TASP1: variants seen among roughly 807,000 people sequenced by gnomAD.
TASP1 encodes threonine aspartase 1.
A neutral mutation model predicts 56.6 loss-of-function variants in TASP1; 16 were observed. That is an observed-to-expected ratio of 0.28 (90% CI 0.19 to 0.43). TASP1 has a LOEUF of 0.43. TASP1 is among the 20% of genes least tolerant of loss of function. TASP1 has a pLI of 1.00. For missense variants in TASP1, 393 were observed against 511.6 expected, an observed-to-expected ratio of 0.77 and a Z score of 2.24; for synonymous variants, 179 against 184.2, an observed-to-expected ratio of 0.97 and a Z score of 0.23.
intron 11 of TASP1, among the ~76,000 whole-genome samples, chr20:13,443,862 CA>C (rs1374487723): frequency 3.3e-5 from 5 of 151,978 alleles, no homozygotes; most frequent in African/African-American, 1.2e-4. Flanking sequence ...GGAAAAAAAC[CA>C]AAGGGGTTAA....
chr20:13,400,122 G>A (rs1196187183), intron 13 of TASP1, among the ~76,000 whole-genome samples: 4 of 152,112 alleles, frequency 2.6e-5, no homozygotes, highest in East Asian at 1.9e-4. Flanking sequence ...TATCTTGTTC[G>A]TTATTTCCCC....
chr20:13,561,448 C>T (rs1341792378), intron 7 of TASP1, among the ~76,000 whole-genome samples: 1 of 152,126 alleles, frequency 6.6e-6, no homozygotes, highest in Non-Finnish European at 1.5e-5. Flanking sequence ...TCACTACAAC[C>T]CCTGCCTCCC....
At chr20:13,413,110 C>A (rs142722107) in intron 13 of TASP1, among the ~76,000 whole-genome samples, 2 of 152,086 alleles carry the variant, frequency 1.3e-5, no homozygotes, top group Non-Finnish European at 2.9e-5. Context: ...AACTGCATGG[C>A]CCAAAGAACT....
At chr20:13,224,794 A>T in the TASP1 span, among the ~76,000 whole-genome samples, 1 of 149,816 alleles carries the variant, frequency 6.7e-6, no homozygotes, top group Non-Finnish European at 1.5e-5. Context: ...AGTGCCTTTT[A>T]TGTGGCAGGC....
chr20:13,413,186 T>G (rs1160925788), intron 13 of TASP1, among the ~76,000 whole-genome samples: 2 of 152,126 alleles, frequency 1.3e-5, no homozygotes, highest in African/African-American at 4.8e-5. Context: ...TTCATGGCAT[T>G]AAAATAGAAA....
intron 4 of TASP1, chr20:13,600,752 C>G (rs1266603146): frequency 6.6e-6 from 1 of 151,886 alleles, no homozygotes; most frequent in Non-Finnish European, 1.5e-5. Context: ...TTAAAAAAAG[C>G]AAGCCATTAT....
chr20:13,630,580 C>T (rs923819792), intron 1 of TASP1, among the ~76,000 whole-genome samples: 15 of 150,414 alleles, frequency 1.0e-4, no homozygotes, highest in Non-Finnish European at 1.8e-4. Flanking sequence ...ATCCCAGCTA[C>T]GCAGGAGGCT....
At chr20:13,434,439 G>C (rs1419188953) in intron 12 of TASP1, among the ~76,000 whole-genome samples, 1 of 152,068 alleles carries the variant, frequency 6.6e-6, no homozygotes, top group African/African-American at 2.4e-5. Context: ...ATCCCCACTG[G>C]TGCTTGGGTA....
At chr20:13,109,296 A>G in the TASP1 span, among the ~76,000 whole-genome samples, 1 of 152,332 alleles carries the variant, frequency 6.6e-6, no homozygotes, top group South Asian at 2.1e-4. Context: ...AGAAGAAGGG[A>G]CAATGGCTTT....
chr20:13,390,529 A>C, intron 13 of TASP1, 77 bp from the exon 14 acceptor site: 1 of 1,309,030 alleles, frequency 7.6e-7, no homozygotes. Context: ...GTGTCCAAAA[A>C]AGGTGGAGGA....
At chr20:13,535,242 G>C (rs1373747558) in intron 8 of TASP1, among the ~76,000 whole-genome samples, 3 of 152,138 alleles carry the variant, frequency 2.0e-5, no homozygotes, top group Non-Finnish European at 2.9e-5. Context: ...GAGCTCCCGG[G>C]CCCATCTCAG....
intron 10 of TASP1, among the ~76,000 whole-genome samples, chr20:13,519,436 C>T (rs2044655317): frequency 6.6e-6 from 1 of 152,178 alleles, no homozygotes; most frequent in Non-Finnish European, 1.5e-5. Context: ...ATCAAGTGGG[C>T]TTCATCCCTG....
chr20:13,105,196 A>C, the TASP1 span, among the ~76,000 whole-genome samples: 2 of 152,062 alleles, frequency 1.3e-5, no homozygotes, highest in Non-Finnish European at 1.5e-5. Context: ...ATCCAGGCCG[A>C]GCGCAGTCTT....
At chr20:13,535,499 G>T (rs2045383924) in intron 8 of TASP1, among the ~76,000 whole-genome samples, 1 of 152,148 alleles carries the variant, frequency 6.6e-6, no homozygotes, top group Non-Finnish European at 1.5e-5. Context: ...TGGCTGAAAT[G>T]AATGCTATAT....
chr20:13,326,825 A>C, the TASP1 span, among the ~76,000 whole-genome samples: 1 of 152,188 alleles, frequency 6.6e-6, no homozygotes, highest in Non-Finnish European at 1.5e-5. Context: ...AAATAATAAG[A>C]GCCATATATG....
the TASP1 span, among the ~76,000 whole-genome samples, chr20:13,143,026 G>A: frequency 1.3e-5 from 2 of 152,198 alleles, no homozygotes; most frequent in Non-Finnish European, 2.9e-5. Context: ...GAAGTTTTGT[G>A]CCCTTTGTAA....
Position 13,470,285 on chromosome 20 carries a change from G to T in TASP1, c.985+12942C>A, listed in dbSNP as rs1327666068. 2.0e-5 allele frequency among the ~76,000 whole-genome samples: 3 copies of T among 152,048 alleles called. No individual in the cohort carries two copies. In the East Asian group the frequency reaches 5.8e-4, roughly 29 times the overall value. On this transcript the variant is annotated intron_variant, in intron 11 of 13. Transcript: ENST00000337743. ...GGGGTAGAGGGGGGCACTCTGAGAG[G>T]TATTTCAGAGCTCACCATAACAACA...
chr20:13,272,495 G>A, the TASP1 span, among the ~76,000 whole-genome samples: 2 of 152,236 alleles, frequency 1.3e-5, no homozygotes, highest in Non-Finnish European at 2.9e-5. Flanking sequence ...TGAAGACAGA[G>A]GAGGAAAAGC....
chr20:13,305,460 A>G, the TASP1 span, among the ~76,000 whole-genome samples: 2 of 152,154 alleles, frequency 1.3e-5, no homozygotes, highest in Non-Finnish European at 2.9e-5. Context: ...CTTCCCAGGA[A>G]GTGTTGTGGG....
Sources: gnomAD v4.1 joint callset for allele counts (sites outside exome capture counted in the v4.1 genomes callset) on GRCh38, gnomAD v4.1.1 for gene constraint, MANE v1.5 for transcripts, NCBI Gene and HGNC (gene_info 2026-07-23, HGNC 2026-07-21) for gene names.